Variants in KCND2 observed in about 807,000 individuals in gnomAD.
KCND2 encodes potassium voltage-gated channel subfamily D member 2.
A neutral mutation model predicts 54.4 loss-of-function variants in KCND2; 16 were observed. The observed-to-expected ratio is 0.29, with a 90% CI of 0.20 to 0.45. KCND2 has a LOEUF of 0.45. Ranked by LOEUF, KCND2 falls within the 20% of genes least tolerant of loss-of-function variation. KCND2 has a pLI of 1.00. For missense variants in KCND2, 486 were observed against 824.2 expected (o/e 0.59, Z 5.02); for synonymous variants, 317 against 310.7 (o/e 1.02, Z -0.21).
chr7:120,509,251 G>A (rs912903275), intron 1 of KCND2, among the ~76,000 whole-genome samples: 7 of 151,840 alleles, frequency 4.6e-5, no homozygotes, highest in Admixed American at 1.3e-4. Context: ...GGTAAAAAAC[G>A]TAAACATTTG....
intron 1 of KCND2, among the ~76,000 whole-genome samples, chr7:120,358,430 G>A (rs1253788948): frequency 2.0e-5 from 3 of 152,144 alleles, no homozygotes; most frequent in Non-Finnish European, 2.9e-5. Flanking sequence ...CATGGGATAA[G>A]CAGTCATCAT....
At chr7:120,276,196 T>C (rs1292616313) in intron 1 of KCND2, among the ~76,000 whole-genome samples, 1 of 152,156 alleles carries the variant, frequency 6.6e-6, no homozygotes, top group Admixed American at 6.5e-5. Flanking sequence ...ATACTTATGG[T>C]GTACATTTTT....
intron 1 of KCND2, among the ~76,000 whole-genome samples, chr7:120,432,264 G>C (rs1801802145): frequency 6.6e-6 from 1 of 152,142 alleles, no homozygotes; most frequent in South Asian, 2.1e-4. Flanking sequence ...TCTCCGTAAA[G>C]ATTGCCCCAG....
chr7:120,426,785 C>T (rs889669048), intron 1 of KCND2, among the ~76,000 whole-genome samples: 1 of 151,858 alleles, frequency 6.6e-6, no homozygotes, highest in South Asian at 2.1e-4. Flanking sequence ...CCATGCCCGG[C>T]TAATTTTTTG....
At chr7:120,554,273 C>T (rs947074986) in intron 1 of KCND2, among the ~76,000 whole-genome samples, 21 of 152,270 alleles carry the variant, frequency 1.4e-4, no homozygotes, top group African/African-American at 4.8e-4. Context: ...CACACCATTT[C>T]AAGTATAGGT....
intron 1 of KCND2, among the ~76,000 whole-genome samples, chr7:120,524,376 A>G (rs1243312082): frequency 2.0e-5 from 3 of 152,314 alleles, no homozygotes; most frequent in South Asian, 2.1e-4. Context: ...AATAAATTGT[A>G]TAACTATTAC....
At chr7:120,663,491 C>G (rs1791890806) in intron 1 of KCND2, among the ~76,000 whole-genome samples, 1 of 152,020 alleles carries the variant, frequency 6.6e-6, no homozygotes, top group Admixed American at 6.6e-5. Context: ...TTAACTTTCA[C>G]TTTTTAAAAT....
intron 1 of KCND2, among the ~76,000 whole-genome samples, chr7:120,472,337 C>T (rs954425866): frequency 6.6e-6 from 1 of 151,826 alleles, no homozygotes; most frequent in African/African-American, 2.4e-5. Flanking sequence ...ATAATGTGAA[C>T]CCAGGGATGG....
intron 1 of KCND2, among the ~76,000 whole-genome samples, chr7:120,428,728 GTAT>G (rs1238118879): frequency 2.0e-5 from 3 of 152,098 alleles, no homozygotes; most frequent in Non-Finnish European, 4.4e-5. Flanking sequence ...TAACATTTAG[GTAT>G]TATTAAAGTA....
At chr7:120,454,097 A>T (rs186092881) in intron 1 of KCND2, among the ~76,000 whole-genome samples, 100 of 152,298 alleles carry the variant, frequency 6.6e-4, no homozygotes, top group Non-Finnish European at 2.1e-4. Context: ...AGAAAGAAAT[A>T]AATAAAAAGT....
chr7:120,422,089 T>C (rs1274253537), intron 1 of KCND2, among the ~76,000 whole-genome samples: 1 of 152,186 alleles, frequency 6.6e-6, no homozygotes, highest in Non-Finnish European at 1.5e-5. Context: ...AAGGGGTGGA[T>C]CCTCTCATCT....
At chr7:120,336,095 A>AT (rs145121011) in intron 1 of KCND2, among the ~76,000 whole-genome samples, 15,501 of 152,164 alleles carry the variant, frequency 0.1, 824 homozygotes, top group Admixed American at 0.13. Context: ...ATAGTTATAT[A>AT]TTTTTTCTTT....
At chr7:120,378,548 C>T (rs143821191) in intron 1 of KCND2, among the ~76,000 whole-genome samples, 1,938 of 151,920 alleles carry the variant, frequency 0.013, 43 homozygotes, top group African/African-American at 0.044. Flanking sequence ...GAATTAGTAA[C>T]TAAATACAGT....
At chr7:120,438,034 G>A (rs2116185610) in intron 1 of KCND2, among the ~76,000 whole-genome samples, 1 of 152,290 alleles carries the variant, frequency 6.6e-6, no homozygotes, top group South Asian at 2.1e-4. Context: ...GGTCATTGAA[G>A]TTAAGGCACA....
intron 1 of KCND2, among the ~76,000 whole-genome samples, chr7:120,665,311 T>C (rs2116565405): frequency 6.6e-6 from 1 of 152,102 alleles, no homozygotes; most frequent in East Asian, 1.9e-4. Flanking sequence ...TAGGTCTAAA[T>C]TTTAAAATAC....
chr7:120,384,426 C>G (rs185810772), intron 1 of KCND2, among the ~76,000 whole-genome samples: 1 of 152,154 alleles, frequency 6.6e-6, no homozygotes, highest in East Asian at 1.9e-4. Context: ...TCAGCAAAAA[C>G]TTCTCCTTGC....
At chr7:120,518,214 A>C (rs901721569) in intron 1 of KCND2, among the ~76,000 whole-genome samples, 1 of 152,172 alleles carries the variant, frequency 6.6e-6, no homozygotes, top group Non-Finnish European at 1.5e-5. Context: ...TTATTCTGCT[A>C]TACATTTTTC....
intron 1 of KCND2, among the ~76,000 whole-genome samples, chr7:120,279,834 ATGTTATAATTATATAT>A (rs1799236968): frequency 6.6e-6 from 1 of 151,926 alleles, no homozygotes; most frequent in African/African-American, 2.4e-5. Context: ...CGATAACATT[ATGTTATAATTATATAT>A]TATTAAAGAG....
At chr7:120,479,418 A>G (rs1012167378) in intron 1 of KCND2, among the ~76,000 whole-genome samples, 1 of 151,566 alleles carries the variant, frequency 6.6e-6, no homozygotes, top group Non-Finnish European at 1.5e-5. Flanking sequence ...TAAAATATTT[A>G]TATATATATA....
Sources: allele counts gnomAD v4.1 joint callset (sites outside exome capture counted in the v4.1 genomes callset), GRCh38; gene constraint gnomAD v4.1.1; transcripts MANE v1.5; gene names NCBI Gene and HGNC (gene_info 2026-07-23, HGNC 2026-07-21).